PTN: variants seen among roughly 807,000 people sequenced by gnomAD.
The protein encoded by PTN is heparin affin regulatory protein.
In PTN, 18 loss-of-function variants were observed where a neutral mutation model predicts 24.1. That is an observed-to-expected ratio of 0.75 (90% CI 0.52 to 1.11). The LOEUF is 1.11. Ranked by LOEUF, PTN falls within the 50% of genes least tolerant of loss-of-function variation. The probability of loss-of-function intolerance (pLI) is 0.00; values close to 1 mark genes in which losing one functional copy is unlikely to be tolerated. For synonymous variants in PTN, 78 were observed against 68.6 expected, an observed-to-expected ratio of 1.14 and a Z score of -0.67; for missense variants, 163 against 198.8, an observed-to-expected ratio of 0.82 and a Z score of 1.08.
At chr7:137,266,982 T>G (rs535492207) in intron 1 of PTN, among the ~76,000 whole-genome samples, 61 of 151,782 alleles carry the variant, frequency 4.0e-4, no homozygotes, top group African/African-American at 1.4e-3. Context: ...AAGGCCTCAG[T>G]GCTTTCCGGA....
In PTN at chr7:137,311,884, C is replaced by T. The variant is rs764389538; in HGVS notation, c.-2+31555G>A. ...TAAAATATGACACAGAGACACAAAG[C>T]GACCACATGCTGTTGGAAAATGGTG... On this transcript the variant is annotated intron_variant, in intron 1 of 4. Coordinates refer to ENST00000348225, the MANE Select transcript of PTN (RefSeq NM_002825.7). Among the ~76,000 whole-genome samples the T allele has an allele frequency of 6.2e-5, 9 of 145,900 alleles. No homozygotes were observed. In the South Asian group the frequency reaches 1.9e-3, roughly 30 times the overall value.
chr7:137,291,053 TTAAA>T (rs1206930226), intron 1 of PTN, among the ~76,000 whole-genome samples: 1 of 152,172 alleles, frequency 6.6e-6, no homozygotes, highest in African/African-American at 2.4e-5. Flanking sequence ...TATGGGATCA[TTAAA>T]TAAATCTATA....
chr7:137,310,587 GT>G (rs1562918988), intron 1 of PTN, among the ~76,000 whole-genome samples: 1 of 151,704 alleles, frequency 6.6e-6, no homozygotes, highest in Non-Finnish European at 1.5e-5. Context: ...TGTATTTTTA[GT>G]AGAGACGGGG....
At chr7:137,318,643 C>T (rs1810112451) in intron 1 of PTN, 1 of 152,064 alleles carries the variant, frequency 6.6e-6, no homozygotes, top group South Asian at 2.1e-4. Flanking sequence ...AGGCATTATC[C>T]GAATGATATG....
intron 1 of PTN, among the ~76,000 whole-genome samples, chr7:137,273,579 T>C (rs1809311281): frequency 6.6e-6 from 1 of 152,110 alleles, no homozygotes; most frequent in African/African-American, 2.4e-5. Context: ...AGAAGGACCA[T>C]GTAAGCAAAT....
chr7:137,340,156 AT>A (rs1810511884), intron 1 of PTN, among the ~76,000 whole-genome samples: 1 of 152,228 alleles, frequency 6.6e-6, no homozygotes, highest in African/African-American at 2.4e-5. Context: ...CCCTAAAAAT[AT>A]CTCAAACATG....
chr7:137,264,035 A>G (rs72611537), intron 1 of PTN, among the ~76,000 whole-genome samples: 18,108 of 152,174 alleles, frequency 0.12, 1,375 homozygotes, highest in East Asian at 0.26. Context: ...TCCTTTTTCT[A>G]GCTTTGCAAT....
rs1480682533 is a variant in PTN, at chr7:137,265,010, AGT to A, written c.-1-10038_-1-10037del. Among the ~76,000 whole-genome samples, 20 of 150,768 alleles carry A rather than the reference AGT, an allele frequency of 1.3e-4. No individual in the cohort carries two copies. The East Asian group carries it at 3.9e-3, about 30-fold the overall frequency. On this transcript the variant is annotated intron_variant, in intron 1 of 4. Transcript: ENST00000348225. ...TTTTTTTGACACATAGAGTGTAAAA[AGT>A]TTTGTCAGGTCAGGTGGCCCCAGGG... is the stretch of plus-strand genomic sequence containing the variant.
intron 1 of PTN, among the ~76,000 whole-genome samples, chr7:137,337,974 G>A (rs775483941): frequency 3.3e-5 from 5 of 152,174 alleles, no homozygotes; most frequent in Admixed American, 6.5e-5. Flanking sequence ...GAGAGAATGA[G>A]AGACAGCCCT....
intron 4 of PTN, among the ~76,000 whole-genome samples, chr7:137,244,835 C>T (rs955003326): frequency 6.6e-6 from 1 of 152,038 alleles, no homozygotes; most frequent in Non-Finnish European, 1.5e-5. Flanking sequence ...AGAAGTAATG[C>T]TGTTAGAATG....
Position 137,288,597 on chromosome 7 carries a change from A to G in PTN, c.-1-33623T>C, listed in dbSNP as rs905261026. On this transcript the variant is annotated intron_variant, in intron 1 of 4. Coordinates refer to ENST00000348225, the MANE Select transcript of PTN (RefSeq NM_002825.7). ...TGTATTTTTTAAATTTAGCATTGGG[A>G]CCTTAAAATCAAAGAATAAATATTT... is the stretch of plus-strand genomic sequence containing the variant. 3.3e-5 allele frequency among the ~76,000 whole-genome samples: 5 copies of G among 152,166 alleles called. No individual in the cohort carries two copies. The South Asian group carries it at 1.0e-3, about 31-fold the overall frequency.
In PTN at chr7:137,342,767, T is replaced by C. The variant is rs145996762; in HGVS notation, c.-2+672A>G. On this transcript the variant is annotated intron_variant, in intron 1 of 4. Coordinates refer to ENST00000348225, the MANE Select transcript of PTN (RefSeq NM_002825.7). ...GTCAAATTAAAAGTTTAAGGGTCTA[T>C]GTACTGGGCAGTTCTTTAAATTTGC... is the stretch of plus-strand genomic sequence containing the variant. 5.0e-3 allele frequency among the ~76,000 whole-genome samples: 756 copies of C among 152,314 alleles called. 5 individuals are homozygous for C. Among genetic ancestry groups the C allele is most frequent in the South Asian group, 0.016 (75 of 4,824 alleles).
chr7:137,254,810 A>G (rs1054403797), intron 2 of PTN, 49 bp downstream of exon 2: 7 of 1,291,444 alleles, frequency 5.4e-6, no homozygotes, highest in Admixed American at 3.8e-5. Flanking sequence ...ATTAGACTAG[A>G]TGGACATTAA....
At chr7:137,334,942 G>A (rs1810421053) in intron 1 of PTN, among the ~76,000 whole-genome samples, 1 of 149,580 alleles carries the variant, frequency 6.7e-6, no homozygotes, top group African/African-American at 2.5e-5. Flanking sequence ...CTATCGCAAG[G>A]ACAAAAAACC....
At chr7:137,248,353 T>C (rs182191407) in intron 4 of PTN, among the ~76,000 whole-genome samples, 1 of 152,274 alleles carries the variant, frequency 6.6e-6, no homozygotes, top group East Asian at 1.9e-4. Context: ...ACAAAGATTT[T>C]ATATCTGACA....
At chr7:137,257,486 C>G (rs1808954268) in intron 1 of PTN, among the ~76,000 whole-genome samples, 1 of 152,178 alleles carries the variant, frequency 6.6e-6, no homozygotes, top group Non-Finnish European at 1.5e-5. Context: ...GAGTTGGGCA[C>G]TGGTACATCA....
At chr7:137,271,750 G>A (rs1307627773) in intron 1 of PTN, among the ~76,000 whole-genome samples, 1 of 152,170 alleles carries the variant, frequency 6.6e-6, no homozygotes, top group Non-Finnish European at 1.5e-5. Flanking sequence ...TGGTATAGGG[G>A]AGCAAATAAG....
At chr7:137,253,670 C>T (rs1365867015) in intron 2 of PTN, 33 bp from the exon 3 acceptor site, 2 of 1,467,384 alleles carry the variant, frequency 1.4e-6, no homozygotes, top group Non-Finnish European at 1.8e-6. Context: ...AATCAACATA[C>T]AGAAAACTCC....
intron 1 of PTN, among the ~76,000 whole-genome samples, chr7:137,315,353 A>C (rs1810055092): frequency 6.9e-6 from 1 of 145,036 alleles, no homozygotes; most frequent in African/African-American, 2.6e-5. Flanking sequence ...ACTTACACGA[A>C]AAAAAAAAAA....
Sources: gnomAD v4.1 joint callset for allele counts (sites outside exome capture counted in the v4.1 genomes callset) on GRCh38, gnomAD v4.1.1 for gene constraint, MANE v1.5 for transcripts, NCBI Gene and HGNC (gene_info 2026-07-23, HGNC 2026-07-21) for gene names.